ROBO1: variants seen among roughly 807,000 people sequenced by gnomAD.
ROBO1 encodes the protein roundabout guidance receptor 1.
In ROBO1, 149 loss-of-function variants were observed where a neutral mutation model predicts 195.9. That is an observed-to-expected ratio of 0.76 (90% confidence interval 0.67 to 0.87). The LOEUF is 0.87. ROBO1 is among the 40% of genes least tolerant of loss of function. The probability of loss-of-function intolerance (pLI) is 0.00; values close to 1 mark genes in which losing one functional copy is unlikely to be tolerated. For synonymous variants in ROBO1, 816 were observed against 733.2 expected, an observed-to-expected ratio of 1.11 and a Z score of -1.82; for missense variants, 1,933 against 2,068.3, an observed-to-expected ratio of 0.93 and a Z score of 1.27.
At chr3:79,721,145 C>T (rs1702683826) in intron 1 of ROBO1, among the ~76,000 whole-genome samples, 1 of 152,118 alleles carries the variant, frequency 6.6e-6, no homozygotes, top group South Asian at 2.1e-4. Flanking sequence ...ACCTTCTGTT[C>T]CCCCTTATCC....
chr3:78,937,569 C>T (rs949516209), intron 4 of ROBO1, among the ~76,000 whole-genome samples: 1 of 151,972 alleles, frequency 6.6e-6, no homozygotes, highest in Admixed American at 6.6e-5. Flanking sequence ...TTGGCTACTC[C>T]TTGAATGTAG....
intron 2 of ROBO1, among the ~76,000 whole-genome samples, chr3:79,510,265 G>A (rs1940633855): frequency 6.6e-6 from 1 of 152,132 alleles, no homozygotes; most frequent in Non-Finnish European, 1.5e-5. Flanking sequence ...CAGTGAGTGA[G>A]TTCTCACAAG....
chr3:78,611,320 G>C (rs1289299583), intron 28 of ROBO1, among the ~76,000 whole-genome samples: 1 of 152,110 alleles, frequency 6.6e-6, no homozygotes, highest in Non-Finnish European at 1.5e-5. Flanking sequence ...ATGTAGATTT[G>C]GTTTTTAAAT....
intron 1 of ROBO1, among the ~76,000 whole-genome samples, chr3:79,676,987 T>G (rs187592554): frequency 3.3e-5 from 5 of 152,134 alleles, no homozygotes; most frequent in Non-Finnish European, 7.4e-5. Flanking sequence ...TGGGTAGATA[T>G]TTTTTCAAAT....
At chr3:79,343,723 G>A (rs1448300290) in intron 2 of ROBO1, among the ~76,000 whole-genome samples, 2 of 151,936 alleles carry the variant, frequency 1.3e-5, no homozygotes, top group East Asian at 3.9e-4. Flanking sequence ...AGTGGGAGAA[G>A]AAGAAAATTT....
chr3:79,163,242 C>G (rs1223225928), intron 2 of ROBO1, among the ~76,000 whole-genome samples: 8 of 152,096 alleles, frequency 5.3e-5, no homozygotes, highest in Non-Finnish European at 1.0e-4. Flanking sequence ...TTTGACTATT[C>G]TACCTACCTA....
At chr3:79,184,546 T>A (rs2081401494) in intron 2 of ROBO1, among the ~76,000 whole-genome samples, 1 of 152,176 alleles carries the variant, frequency 6.6e-6, no homozygotes, top group Non-Finnish European at 1.5e-5. Flanking sequence ...CTCCTATTTC[T>A]CTTGGTCAGT....
intron 2 of ROBO1, among the ~76,000 whole-genome samples, chr3:79,232,235 T>A (rs111258917): frequency 6.9e-6 from 1 of 144,930 alleles, no homozygotes; most frequent in South Asian, 2.1e-4. Context: ...AATTAAGACA[T>A]CCTCCTTGAT....
At chr3:78,746,357 C>T (rs1279272058) in intron 5 of ROBO1, among the ~76,000 whole-genome samples, 1 of 152,092 alleles carries the variant, frequency 6.6e-6, no homozygotes, top group Non-Finnish European at 1.5e-5. Flanking sequence ...ATAAAAACAT[C>T]CTGAAGTGGC....
At chr3:79,080,015 T>C (rs926615080) in intron 3 of ROBO1, among the ~76,000 whole-genome samples, 1 of 151,832 alleles carries the variant, frequency 6.6e-6, no homozygotes, top group African/African-American at 2.4e-5. Context: ...TATGTTCTTG[T>C]TTCAAAAGTT....
At position 78,746,900 on chromosome 3, in the gene ROBO1, A is replaced by G. The variant is rs375239721; in HGVS notation, c.500T>C (p.Ile167Thr). The change falls in exon 5 of 31, where the codon ATA (isoleucine) becomes ACA (threonine). Residue 167 changes from isoleucine (I) to threonine (T), a missense_variant and splice_region_variant. By Grantham distance (89) the Ile-to-Thr change is moderately conservative. Around this residue, in one of 3 missense-constraint regions of ROBO1, gnomAD observed 1,737 missense variants for 1,882.5 expected, o/e 0.92. Transcript: ENST00000464233. ...GTTTTGTCTGAAGTCATCCCGAAGT[A>G]CTGTAGGAACAAGATTAAATCATTA... ...VSHNASLEVA[I>T]LRDDFRQNPS... The G allele has an allele frequency of 1.2e-5, 18 of 1,550,258 alleles. No homozygotes were observed. The highest frequency in any genetic ancestry group is 1.6e-5 in the Non-Finnish European group (18 of 1,140,478).
intron 2 of ROBO1, among the ~76,000 whole-genome samples, chr3:79,417,971 C>G (rs2038073465): frequency 2.0e-5 from 3 of 152,146 alleles, no homozygotes; most frequent in Non-Finnish European, 2.9e-5. Context: ...CCATCACTAT[C>G]TCACACAAAA....
At chr3:79,224,930 A>C (rs1048377516) in intron 2 of ROBO1, among the ~76,000 whole-genome samples, 5 of 152,158 alleles carry the variant, frequency 3.3e-5, no homozygotes, top group African/African-American at 1.2e-4. Context: ...AGAAGTGATG[A>C]AGAGGAAGAT....
chr3:79,658,664 T>C lies in ROBO1; in HGVS notation c.-50-68703A>G, dbSNP rs181358046. ...GAGATATTTCAATACAAGCATACAA[T>C]ATATAATAATTATATTGGGATAAAT... On this transcript the variant is annotated intron_variant, in intron 1 of 30. Coordinates refer to ENST00000464233, the MANE Select transcript of ROBO1 (RefSeq NM_002941.4). Among the ~76,000 whole-genome samples, 672 of 152,266 alleles carry C rather than the reference T, an allele frequency of 4.4e-3. 9 individuals carry two copies. The highest frequency in any genetic ancestry group is 0.016 in the African/African-American group (646 of 41,556).
chr3:78,703,677 A>G (rs2107958407), intron 8 of ROBO1, among the ~76,000 whole-genome samples: 1 of 152,220 alleles, frequency 6.6e-6, no homozygotes, highest in Non-Finnish European at 1.5e-5. Context: ...AGCATTTTGA[A>G]TAAGACTCTT....
chr3:79,181,873 ATG>A (rs1576782531), intron 2 of ROBO1, among the ~76,000 whole-genome samples: 1 of 149,382 alleles, frequency 6.7e-6, no homozygotes, highest in Non-Finnish European at 1.5e-5. Context: ...CTGCACTGAG[ATG>A]TTGTCATGCC....
intron 2 of ROBO1, among the ~76,000 whole-genome samples, chr3:79,544,783 C>T (rs1942202486): frequency 6.6e-6 from 1 of 151,930 alleles, no homozygotes; most frequent in East Asian, 1.9e-4. Context: ...TCTACATAAC[C>T]ATCTGTATTA....
At chr3:78,678,600 A>G (rs1160999332) in intron 10 of ROBO1, among the ~76,000 whole-genome samples, 1 of 152,132 alleles carries the variant, frequency 6.6e-6, no homozygotes, top group Non-Finnish European at 1.5e-5. Flanking sequence ...TCCTCGACAC[A>G]TACACTCTCC....
At chr3:79,224,463 A>C (rs938894842) in intron 2 of ROBO1, among the ~76,000 whole-genome samples, 19 of 152,272 alleles carry the variant, frequency 1.2e-4, no homozygotes, top group African/African-American at 4.6e-4. Flanking sequence ...AACCAAAAGG[A>C]GAATATTCAG....
Sources: allele counts gnomAD v4.1 joint callset (sites outside exome capture counted in the v4.1 genomes callset), GRCh38; gene constraint gnomAD v4.1.1; regional missense constraint gnomAD v4.1.1; transcripts MANE v1.5; gene names NCBI Gene and HGNC (gene_info 2026-07-23, HGNC 2026-07-21).